FBXO28: variants seen among roughly 807,000 people sequenced by gnomAD.
The protein encoded by FBXO28 is F-box only protein 28.
A neutral mutation model predicts 38.1 loss-of-function variants in FBXO28; 8 were observed. That is an observed-to-expected ratio of 0.21 (90% CI 0.12 to 0.38). FBXO28 has a LOEUF of 0.38. FBXO28 is among the 10% of genes least tolerant of loss of function. FBXO28 has a pLI of 1.00. For missense variants in FBXO28, 345 were observed against 460.6 expected (o/e 0.75, Z 2.30); for synonymous variants, 168 against 173.8 (o/e 0.97, Z 0.26).
chr1:224,157,837 C>G lies in FBXO28; in HGVS notation c.*91C>G. The G allele has an allele frequency of 1.3e-6, 2 of 1,481,810 alleles. No homozygotes were observed. The highest frequency in any genetic ancestry group is 1.8e-6 in the Non-Finnish European group (2 of 1,120,630). The allele number at this position is 1,481,810 out of a possible 1,614,324, so 91.8% of individuals were successfully genotyped here. Reference sequence around the variant, plus strand: ...GGATACTGTGAGCAACATGGTGTCCCTTAAGCTTCTAGGCTTTCAGAACAC... The same window carrying G: ...GGATACTGTGAGCAACATGGTGTCCGTTAAGCTTCTAGGCTTTCAGAACAC... On this transcript the variant is annotated 3_prime_UTR_variant, in exon 5 of 5. Transcript: ENST00000366862.
At chr1:224,138,719 CTCT>C (rs1657260017) in intron 3 of FBXO28, among the ~76,000 whole-genome samples, 1 of 151,732 alleles carries the variant, frequency 6.6e-6, no homozygotes, top group Non-Finnish European at 1.5e-5. Flanking sequence ...ATAGTCTCTG[CTCT>C]TCTTTTTTAT....
chr1:224,136,104 T>TTTTTTTTG (rs1553290089), intron 3 of FBXO28, among the ~76,000 whole-genome samples: 6 of 124,288 alleles, frequency 4.8e-5, no homozygotes, highest in African/African-American at 1.5e-4. Context: ...GACTTCAGTT[T>TTTTTTTTG]TTTTTTTTTT....
At chr1:224,129,778 A>G (rs935530204) in intron 1 of FBXO28, among the ~76,000 whole-genome samples, 9 of 152,136 alleles carry the variant, frequency 5.9e-5, no homozygotes, top group Admixed American at 5.2e-4. Flanking sequence ...TCACAAGGTC[A>G]GGAGATCGAG....
Position 224,161,350 on chromosome 1 carries a change from TACTG to T in FBXO28, c.*3605_*3608del, listed in dbSNP as rs1438825106. The T allele has an allele frequency of 6.6e-6, 1 of 152,186 alleles. No individual in the cohort carries two copies. Among genetic ancestry groups the T allele is most frequent in the African/African-American group, 2.4e-5 (1 of 41,436 alleles). The allele number at this position is 152,186 out of a possible 1,614,324, so 9.4% of individuals were successfully genotyped here. A position where few individuals can be genotyped will look rare whatever the true frequency, so the allele number is the denominator to read the frequency against. ...ACTTACCAAACTCTCTAAAAACATATACTGTGAGTAAGATTTGAAGCCAGGAATA... is the reference window on the plus strand; with the variant it reads ...ACTTACCAAACTCTCTAAAAACATATTGAGTAAGATTTGAAGCCAGGAATA... On this transcript the variant is annotated 3_prime_UTR_variant, in exon 5 of 5. Coordinates refer to ENST00000366862, the MANE Select transcript of FBXO28 (RefSeq NM_015176.4).
Position 224,159,724 on chromosome 1 carries a change from A to G in FBXO28, c.*1978A>G, listed in dbSNP as rs554992797. The G allele has an allele frequency of 6.6e-6, 1 of 152,082 alleles. No individual in the cohort carries two copies. Among genetic ancestry groups the G allele is most frequent in the Admixed American group, 6.6e-5 (1 of 15,250 alleles). 9.4% of individuals were successfully genotyped at this position (152,082 alleles called of 1,614,324 possible). A position where few individuals can be genotyped will look rare whatever the true frequency, so the allele number is the denominator to read the frequency against. On this transcript the variant is annotated 3_prime_UTR_variant, in exon 5 of 5. Transcript: ENST00000366862. ...CATAGGAAGACTTTTTTTTTTACGT[A>G]TCAAAGCATGTGTTTACAGATTTAC...
At chr1:224,141,596 G>A (rs539740131) in intron 3 of FBXO28, among the ~76,000 whole-genome samples, 1 of 152,188 alleles carries the variant, frequency 6.6e-6, no homozygotes, top group South Asian at 2.1e-4. Flanking sequence ...AAACCTAGAT[G>A]GTTCTTACAC....
At chr1:224,147,147 G>A (rs988797177) in intron 3 of FBXO28, among the ~76,000 whole-genome samples, 22 of 151,886 alleles carry the variant, frequency 1.4e-4, no homozygotes, top group African/African-American at 1.9e-4. Flanking sequence ...AACAATTGCC[G>A]GATGCGGTGG....
At chr1:224,124,146 G>GA (rs1469778507) in intron 1 of FBXO28, among the ~76,000 whole-genome samples, 1 of 152,130 alleles carries the variant, frequency 6.6e-6, no homozygotes, top group Non-Finnish European at 1.5e-5. Context: ...GATTAAACAG[G>GA]AAAATCACAT....
intron 1 of FBXO28, among the ~76,000 whole-genome samples, chr1:224,118,572 C>T (rs1202125884): frequency 6.6e-6 from 1 of 152,176 alleles, no homozygotes; most frequent in Admixed American, 6.5e-5. Context: ...AGATATTTCT[C>T]TAGAGCACTT....
At chr1:224,123,937 T>C (rs1185212615) in intron 1 of FBXO28, among the ~76,000 whole-genome samples, 1 of 149,196 alleles carries the variant, frequency 6.7e-6, no homozygotes, top group Non-Finnish European at 1.5e-5. Flanking sequence ...GGTGAAACCC[T>C]GTCTCTACTA....
intron 3 of FBXO28, 85 bp from the exon 4 acceptor site, chr1:224,153,057 C>G: frequency 9.6e-7 from 1 of 1,044,334 alleles, no homozygotes. Flanking sequence ...AATTGCAAAA[C>G]AAGCAGTTAC....
intron 1 of FBXO28, among the ~76,000 whole-genome samples, chr1:224,124,390 G>T (rs1158974458): frequency 6.6e-6 from 1 of 152,082 alleles, no homozygotes; most frequent in African/African-American, 2.4e-5. Flanking sequence ...ATCTTTCAGT[G>T]CCCTGATAGT....
At chr1:224,128,180 A>G (rs993687273) in intron 1 of FBXO28, among the ~76,000 whole-genome samples, 3 of 151,920 alleles carry the variant, frequency 2.0e-5, no homozygotes, top group African/African-American at 4.8e-5. Flanking sequence ...CTTGGGTGCT[A>G]TGAGAGATGG....
At chr1:224,129,969 G>A (rs914570114) in intron 1 of FBXO28, among the ~76,000 whole-genome samples, 9 of 151,408 alleles carry the variant, frequency 5.9e-5, no homozygotes, top group African/African-American at 9.7e-5. Context: ...CAGCCTGTGC[G>A]ACAGGGTGAG....
In FBXO28 at chr1:224,145,534, A is replaced by G. The variant is rs535623614; in HGVS notation, c.517-7608A>G. On this transcript the variant is annotated intron_variant, in intron 3 of 4. Transcript: ENST00000366862. ...TAGGCGATGGGAATTTTCCAACTCC[A>G]TTATAATCTTACAGGATGACCCTCA... Among the ~76,000 whole-genome samples the G allele has an allele frequency of 2.4e-4, 37 of 152,314 alleles. 1 individual carries two copies. The highest frequency in any genetic ancestry group is 1.5e-5 in the Non-Finnish European group (1 of 68,026).
At chr1:224,151,778 C>T (rs1657652890) in intron 3 of FBXO28, among the ~76,000 whole-genome samples, 1 of 152,106 alleles carries the variant, frequency 6.6e-6, no homozygotes, top group Non-Finnish European at 1.5e-5. Context: ...CATGGTGGCT[C>T]ACACCTGTAA....
intron 3 of FBXO28, among the ~76,000 whole-genome samples, chr1:224,147,731 A>G (rs941898170): frequency 6.6e-6 from 1 of 152,024 alleles, no homozygotes; most frequent in African/African-American, 2.4e-5. Context: ...AGGTGTAGAA[A>G]CAGCCATTAA....
At chr1:224,152,985 T>C (rs1410441511) in intron 3 of FBXO28, among the ~76,000 whole-genome samples, 157 bp from the exon 4 acceptor site, 1 of 147,820 alleles carries the variant, frequency 6.8e-6, no homozygotes, top group Non-Finnish European at 1.5e-5. Context: ...CCATGTGTTG[T>C]AAATAGCAAT....
chr1:224,143,236 GAGA>G (rs1657407701), intron 3 of FBXO28, among the ~76,000 whole-genome samples: 2 of 148,928 alleles, frequency 1.3e-5, no homozygotes, highest in African/African-American at 2.5e-5. Context: ...AAAAAAAAAA[GAGA>G]AGGAGAAAAA....
Sources: allele counts gnomAD v4.1 joint callset (sites outside exome capture counted in the v4.1 genomes callset), GRCh38; gene constraint gnomAD v4.1.1; transcripts MANE v1.5; gene names NCBI Gene and HGNC (gene_info 2026-07-23, HGNC 2026-07-21).